ANKS1B: variants seen among roughly 807,000 people sequenced by gnomAD.
ANKS1B encodes the protein ankyrin repeat and sterile alpha motif domain containing 1B.
In ANKS1B, 36 loss-of-function variants were observed where a neutral mutation model predicts 148.3. That is an observed-to-expected ratio of 0.24 (90% CI 0.19 to 0.32). The LOEUF is 0.32. ANKS1B is among the 10% of genes least tolerant of loss of function. ANKS1B has a pLI of 1.00. For synonymous variants in ANKS1B, 542 were observed against 560.8 expected, an observed-to-expected ratio of 0.97 and a Z score of 0.47; for missense variants, 1,157 against 1,542.6, an observed-to-expected ratio of 0.75 and a Z score of 4.19.
intron 17 of ANKS1B, among the ~76,000 whole-genome samples, chr12:99,007,059 TA>T (rs60242339): frequency 6.6e-6 from 1 of 151,890 alleles, no homozygotes. Context: ...TAATAAAGCA[TA>T]AAAAATCAGT....
intron 13 of ANKS1B, 83 bp downstream of exon 13, chr12:99,246,192 G>T: frequency 3.8e-6 from 4 of 1,061,276 alleles, no homozygotes; most frequent in Non-Finnish European, 3.9e-6. Flanking sequence ...TTTTGAAAGA[G>T]CTAAAAAGCT....
chr12:99,752,660 A>G (rs1170293703), intron 8 of ANKS1B, among the ~76,000 whole-genome samples: 1 of 152,014 alleles, frequency 6.6e-6, no homozygotes, highest in African/African-American at 2.4e-5. Context: ...TTTATTGGTA[A>G]GTAATAATAT....
intron 12 of ANKS1B, among the ~76,000 whole-genome samples, chr12:99,398,475 C>T (rs911110839): frequency 4.6e-5 from 7 of 152,090 alleles, no homozygotes; most frequent in African/African-American, 1.7e-4. Context: ...GAATGCTAGG[C>T]TGGGTTTTTG....
chr12:99,196,592 TTTTG>T (rs532521192), intron 14 of ANKS1B, among the ~76,000 whole-genome samples: 301 of 152,120 alleles, frequency 2.0e-3, no homozygotes, highest in African/African-American at 6.8e-3. Flanking sequence ...TTCTGTTTTT[TTTTG>T]TTTGTTTTTG....
chr12:98,893,066 T>C (rs1178100527), intron 17 of ANKS1B, among the ~76,000 whole-genome samples: 1 of 152,154 alleles, frequency 6.6e-6, no homozygotes, highest in Non-Finnish European at 1.5e-5. Flanking sequence ...ATTCTGAAGG[T>C]TTTTTTAAAA....
intron 8 of ANKS1B, among the ~76,000 whole-genome samples, chr12:99,659,554 A>G (rs184067371): frequency 7.8e-4 from 118 of 152,120 alleles, no homozygotes; most frequent in African/African-American, 2.8e-3. Flanking sequence ...CTTGAGCTCA[A>G]TCAAAGAAAA....
chr12:99,023,255 C>T (rs1369073935), intron 17 of ANKS1B, among the ~76,000 whole-genome samples: 1 of 146,228 alleles, frequency 6.8e-6, no homozygotes, highest in Non-Finnish European at 1.5e-5. Flanking sequence ...ACTACTGTCT[C>T]TTTCTTCTCA....
chr12:99,949,905 A>G (rs1603483537), intron 1 of ANKS1B, among the ~76,000 whole-genome samples: 1 of 23,692 alleles, frequency 4.2e-5, no homozygotes, highest in Admixed American at 3.0e-4. Context: ...TGCTTTACAG[A>G]AAAAAAAAAA....
At chr12:99,049,344 CA>C (rs569193918) in intron 17 of ANKS1B, among the ~76,000 whole-genome samples, 1,738 of 147,350 alleles carry the variant, frequency 0.012, 14 homozygotes, top group Non-Finnish European at 0.02. Context: ...TCACAGAATG[CA>C]AAAAAAAAAT....
intron 17 of ANKS1B, among the ~76,000 whole-genome samples, chr12:98,938,409 T>G (rs2099824611): frequency 1.3e-5 from 2 of 152,328 alleles, no homozygotes; most frequent in East Asian, 3.9e-4. Flanking sequence ...CAGGCTCTGC[T>G]CATAGGGGTT....
intron 17 of ANKS1B, among the ~76,000 whole-genome samples, chr12:98,995,316 C>T (rs1320545056): frequency 6.6e-6 from 1 of 152,194 alleles, no homozygotes; most frequent in Non-Finnish European, 1.5e-5. Context: ...GCTGGCCAGG[C>T]ATGGTGGTTC....
At chr12:99,858,369 A>C (rs2089511145) in intron 1 of ANKS1B, among the ~76,000 whole-genome samples, 1 of 152,120 alleles carries the variant, frequency 6.6e-6, no homozygotes, top group African/African-American at 2.4e-5. Context: ...AAAATCAAAA[A>C]AATAATAGAT....
chr12:98,979,806 C>T (rs1041826988), intron 17 of ANKS1B, among the ~76,000 whole-genome samples: 2 of 152,090 alleles, frequency 1.3e-5, no homozygotes, highest in Non-Finnish European at 2.9e-5. Context: ...TTTGTAGTCA[C>T]ACCAAATTTA....
At chr12:98,877,853 C>A (rs958188402) in intron 17 of ANKS1B, among the ~76,000 whole-genome samples, 3 of 152,144 alleles carry the variant, frequency 2.0e-5, no homozygotes, top group African/African-American at 7.2e-5. Flanking sequence ...ATCACAAACT[C>A]ATCCTCTATT....
chr12:99,593,000 G>C (rs903977556), intron 9 of ANKS1B, among the ~76,000 whole-genome samples: 5 of 152,078 alleles, frequency 3.3e-5, no homozygotes, highest in African/African-American at 9.7e-5. Flanking sequence ...TTATGATAAG[G>C]GTTTATGGAG....
At chr12:99,767,715 G>C (rs1355521783) in intron 8 of ANKS1B, among the ~76,000 whole-genome samples, 1 of 151,934 alleles carries the variant, frequency 6.6e-6, no homozygotes, top group Non-Finnish European at 1.5e-5. Context: ...CTTAGAAAAT[G>C]GTTTCAGATG....
chr12:99,490,244 T>A (rs886884682), intron 10 of ANKS1B, among the ~76,000 whole-genome samples: 4 of 152,230 alleles, frequency 2.6e-5, no homozygotes, highest in Admixed American at 1.3e-4. Context: ...AAAGAGATGG[T>A]TCTGAACAGT....
chr12:99,396,004 G>C lies in ANKS1B; in HGVS notation c.1756+3627C>G, dbSNP rs17029352. Among the ~76,000 whole-genome samples the C allele has an allele frequency of 3.7e-3, 567 of 152,186 alleles. 34 individuals are homozygous for C. In the East Asian group the frequency reaches 0.087, roughly 23 times the overall value. On this transcript the variant is annotated intron_variant, in intron 12 of 26. Transcript: ENST00000683438. ...TTGGTCAGCTACCTTGGCATACCTTGTACAGACTTACAACAGGCCCCCCTA... is the reference window on the plus strand; with the variant it reads ...TTGGTCAGCTACCTTGGCATACCTTCTACAGACTTACAACAGGCCCCCCTA...
chr12:99,389,826 T>C (rs2093997662), intron 12 of ANKS1B, among the ~76,000 whole-genome samples: 1 of 152,220 alleles, frequency 6.6e-6, no homozygotes. Context: ...AAAATCTCTC[T>C]GAAACTACTG....
Sources: gnomAD v4.1 joint callset for allele counts (sites outside exome capture counted in the v4.1 genomes callset) on GRCh38, gnomAD v4.1.1 for gene constraint, MANE v1.5 for transcripts, NCBI Gene and HGNC (gene_info 2026-07-23, HGNC 2026-07-21) for gene names.